ERC1: variants seen among roughly 807,000 people sequenced by gnomAD.
ERC1 encodes the protein ELKS/RAB6-interacting/CAST family member 1, also known as RAB6 interacting protein 2.
In ERC1, 56 loss-of-function variants were observed where a neutral mutation model predicts 132.0. The observed-to-expected ratio is 0.42, with a 90% CI of 0.34 to 0.53. The LOEUF is 0.53. Ranked by LOEUF, ERC1 falls within the 20% of genes least tolerant of loss-of-function variation. ERC1 has a pLI of 0.03. For synonymous variants in ERC1, 478 were observed against 476.1 expected (o/e 1.00, Z -0.05); for missense variants, 1,202 against 1,349.9 (o/e 0.89, Z 1.72).
chr12:1,408,334 ATATAAGT>A, intron 17 of ERC1, 87 bp downstream of exon 17: 2 of 869,074 alleles, frequency 2.3e-6, no homozygotes, highest in South Asian at 1.7e-5. Flanking sequence ...AAATTCTGAG[ATATAAGT>A]TAGAAGAATA....
intron 2 of ERC1, among the ~76,000 whole-genome samples, chr12:1,066,423 G>A (rs1283611382): frequency 1.3e-5 from 2 of 152,200 alleles, no homozygotes; most frequent in African/African-American, 2.4e-5. Flanking sequence ...GTGAGCCCTT[G>A]AAATTTAATC....
At chr12:1,155,015 A>G (rs2968886) in intron 8 of ERC1, among the ~76,000 whole-genome samples, 3,372 of 152,298 alleles carry the variant, frequency 0.022, 115 homozygotes, top group African/African-American at 0.075. Flanking sequence ...TCAAAGAACT[A>G]AAAGTACATT....
intron 8 of ERC1, among the ~76,000 whole-genome samples, chr12:1,158,392 G>A (rs1027362123): frequency 2.0e-5 from 3 of 151,792 alleles, no homozygotes; most frequent in African/African-American, 7.3e-5. Context: ...CTCATAACTA[G>A]TCGTTAAAAA....
At chr12:1,136,182 C>T (rs1949235507) in intron 7 of ERC1, among the ~76,000 whole-genome samples, 1 of 152,202 alleles carries the variant, frequency 6.6e-6, no homozygotes, top group Admixed American at 6.5e-5. Flanking sequence ...CTTTCCGTGG[C>T]TAAGGCCTTG....
intron 14 of ERC1, among the ~76,000 whole-genome samples, chr12:1,266,307 A>T (rs1359016131): frequency 1.4e-5 from 2 of 141,412 alleles, no homozygotes; most frequent in East Asian, 4.4e-4. Context: ...AATTGCTTTT[A>T]TGTTTATACT....
chr12:1,070,367 C>T (rs1343900417), intron 2 of ERC1, among the ~76,000 whole-genome samples: 1 of 151,378 alleles, frequency 6.6e-6, no homozygotes, highest in Non-Finnish European at 1.5e-5. Flanking sequence ...GTGGCATGAT[C>T]ATGGTTCACT....
chr12:1,106,425 C>T (rs1010752603), intron 4 of ERC1, among the ~76,000 whole-genome samples: 1 of 152,074 alleles, frequency 6.6e-6, no homozygotes, highest in Non-Finnish European at 1.5e-5. Context: ...GTTGATATGA[C>T]AAGAATATTT....
chr12:1,180,518 T>G (rs1374551469), intron 8 of ERC1, 22 bp from the exon 9 acceptor site: 2 of 1,610,004 alleles, frequency 1.2e-6, no homozygotes, highest in African/African-American at 2.7e-5. Flanking sequence ...CTCTTTTCCC[T>G]TAAATATTTA....
chr12:1,429,511 G>C (rs2092731814), intron 17 of ERC1, among the ~76,000 whole-genome samples: 1 of 152,070 alleles, frequency 6.6e-6, no homozygotes. Context: ...TTATTATTTT[G>C]GTTTAAAACT....
At chr12:1,260,949 C>A (rs1029742098) in intron 13 of ERC1, among the ~76,000 whole-genome samples, 1 of 152,068 alleles carries the variant, frequency 6.6e-6, no homozygotes, top group Non-Finnish European at 1.5e-5. Context: ...TTCCAGAAAT[C>A]TTTTTTAAAT....
intron 16 of ERC1, among the ~76,000 whole-genome samples, chr12:1,377,964 G>C (rs1266265156): frequency 1.3e-5 from 2 of 152,150 alleles, no homozygotes; most frequent in African/African-American, 4.8e-5. Context: ...TGGTGGACAT[G>C]TTCTTTGATC....
chr12:1,283,689 C>T (rs1353608803), intron 14 of ERC1, among the ~76,000 whole-genome samples: 1 of 152,182 alleles, frequency 6.6e-6, no homozygotes, highest in Non-Finnish European at 1.5e-5. Flanking sequence ...GAGGGTCTCA[C>T]ACTCAAATGG....
At position 1,028,465 on chromosome 12, in the gene ERC1, A is replaced by G. The variant is rs1000665011; in HGVS notation, c.562A>G (p.Thr188Ala). 6.2e-6 allele frequency: 10 copies of G among 1,613,950 alleles called. No homozygotes were observed. In the African/African-American group the frequency reaches 1.3e-4, roughly 22 times the overall value. Residue 188 changes from threonine to alanine, a missense_variant, in exon 2 of 19, where the codon ACC becomes GCC. Transcript: ENST00000360905. ...GAGTTCTTCAATGAATAGCATCAAG[A>G]CCTTCTGGAGCCCAGAGCTGAAGAA... ...KLSSSMNSIK[T>A]FWSPELKKER...
intron 14 of ERC1, among the ~76,000 whole-genome samples, chr12:1,265,236 T>A (rs916358339): frequency 6.6e-6 from 1 of 152,176 alleles, no homozygotes; most frequent in Non-Finnish European, 1.5e-5. Flanking sequence ...CAAAGAAAGA[T>A]TTTTCTTCTG....
chr12:1,053,015 T>C (rs1972306355), intron 2 of ERC1, among the ~76,000 whole-genome samples: 1 of 152,184 alleles, frequency 6.6e-6, no homozygotes, highest in Admixed American at 6.5e-5. Context: ...ATCCTGTTTT[T>C]CTGTTTGAAT....
intron 8 of ERC1, among the ~76,000 whole-genome samples, chr12:1,153,505 T>C (rs1951025018): frequency 6.6e-6 from 1 of 152,214 alleles, no homozygotes; most frequent in South Asian, 2.1e-4. Flanking sequence ...CAAAAGGGAA[T>C]ACCAGCTTAT....
At chr12:1,190,844 G>T (rs886143064) in intron 12 of ERC1, among the ~76,000 whole-genome samples, 2 of 151,912 alleles carry the variant, frequency 1.3e-5, no homozygotes, top group African/African-American at 4.8e-5. Flanking sequence ...TGACAGAAAG[G>T]GGTCACTAAT....
rs758672154 is a variant in ERC1, at chr12:1,028,271, T to C, written c.368T>C (p.Ile123Thr). ...AGCAGTGGGGTTGCTAGTGACACCA[T>C]AGCATTTGGAGAGCATCACCTCCCT... ...IASSGVASDT[I>T]AFGEHHLPPV... Residue 123 changes from isoleucine (I) to threonine (T), a missense_variant, in exon 2 of 19, where the codon ATA becomes ACA. Transcript: ENST00000360905. 2.5e-6 allele frequency: 4 copies of C among 1,613,992 alleles called. No individual in the cohort carries two copies. Among genetic ancestry groups the C allele is most frequent in the Non-Finnish European group, 3.4e-6 (4 of 1,180,038 alleles).
chr12:1,129,420 C>T lies in ERC1; in HGVS notation c.1570-12200C>T, dbSNP rs1188347636. Among the ~76,000 whole-genome samples the T allele has an allele frequency of 2.6e-5, 4 of 152,240 alleles. No homozygotes were observed. The South Asian group carries it at 6.2e-4, about 24-fold the overall frequency. On this transcript the variant is annotated intron_variant, in intron 7 of 18. Transcript: ENST00000360905. ...CATGTAGTCCTGGCTACTCAGAAGT[C>T]GAAGGCGAGAGTATCCCTTGACCTT...
Sources: gnomAD v4.1 joint callset for allele counts (sites outside exome capture counted in the v4.1 genomes callset) on GRCh38, gnomAD v4.1.1 for gene constraint, MANE v1.5 for transcripts, NCBI Gene and HGNC (gene_info 2026-07-23, HGNC 2026-07-21) for gene names.